The following C2CD3 variants were observed in gnomAD, a reference collection of about 807,000 sequenced individuals.
C2CD3 encodes C2 domain-containing protein 3.
Under a neutral mutation model 234.0 loss-of-function variants are expected in C2CD3, and 148 were observed. The observed-to-expected ratio is 0.63, with a 90% CI of 0.55 to 0.72. C2CD3 has a LOEUF of 0.72. Among genes scored for constraint, C2CD3 ranks in the 30% least tolerant of loss-of-function variants. The pLI is 0.00. For missense variants in C2CD3, 2,577 were observed against 2,811.5 expected (o/e 0.92, Z 1.89); for synonymous variants, 1,000 against 1,035.4 (o/e 0.97, Z 0.66).
At chr11:74,022,620 CTCA>C (rs1466032835) in intron 32 of C2CD3, among the ~76,000 whole-genome samples, 1 of 151,886 alleles carries the variant, frequency 6.6e-6, no homozygotes, top group Non-Finnish European at 1.5e-5. Context: ...TACTGCCGTT[CTCA>C]TCGTCAACCT....
intron 14 of C2CD3, among the ~76,000 whole-genome samples, chr11:74,101,231 T>C (rs1956304606): frequency 1.3e-5 from 2 of 152,180 alleles, no homozygotes; most frequent in African/African-American, 4.8e-5. Flanking sequence ...GGCCAGTTGA[T>C]AGTTGAAAAA....
chr11:74,116,113 GATAA>G (rs1258045872), intron 9 of C2CD3, among the ~76,000 whole-genome samples: 1 of 151,972 alleles, frequency 6.6e-6, no homozygotes, highest in Admixed American at 6.6e-5. Flanking sequence ...CAAAAACAAA[GATAA>G]ATAGATGGGA....
At position 74,111,965 on chromosome 11, in the gene C2CD3, CACACAT is replaced by C. The variant is rs1452428467; in HGVS notation, c.1843+1809_1843+1814del. Among the ~76,000 whole-genome samples, 638 of 86,148 alleles carry C rather than the reference CACACAT, an allele frequency of 7.4e-3. 2 individuals are homozygous for C. Among genetic ancestry groups the C allele is most frequent in the East Asian group, 0.034 (83 of 2,456 alleles). 56.5% of individuals were successfully genotyped at this position (86,148 alleles called of 152,430 possible). On this transcript the variant is annotated intron_variant, in intron 11 of 32. Transcript: ENST00000334126. The stretch of plus-strand genomic sequence containing the variant: ...ACACACACACACACACACACACACA[CACACAT>C]ATATATATACACACACACATTATCT...
intron 32 of C2CD3, among the ~76,000 whole-genome samples, chr11:74,019,698 A>G (rs879259005): frequency 2.9e-5 from 4 of 138,212 alleles, no homozygotes; most frequent in Admixed American, 2.7e-4. Flanking sequence ...TTTTTTTCAG[A>G]CACAGTTTCA....
chr11:74,022,453 G>A (rs774151094), intron 32 of C2CD3, among the ~76,000 whole-genome samples: 15 of 152,166 alleles, frequency 9.9e-5, no homozygotes, highest in East Asian at 1.9e-4. Context: ...GGGTCCGTAC[G>A]TGTCTGCGGC....
intron 22 of C2CD3, among the ~76,000 whole-genome samples, chr11:74,083,544 C>T (rs1447906329): frequency 6.6e-6 from 1 of 152,152 alleles, no homozygotes; most frequent in African/African-American, 2.4e-5. Flanking sequence ...ATCTACCCAT[C>T]TGACAAAGGG....
At chr11:74,015,194 C>T (rs1439756165) in intron 32 of C2CD3, among the ~76,000 whole-genome samples, 1 of 152,196 alleles carries the variant, frequency 6.6e-6, no homozygotes, top group Non-Finnish European at 1.5e-5. Context: ...CTTGGGATCC[C>T]AGCGAGGCCA....
intron 15 of C2CD3, 127 bp downstream of exon 15, chr11:74,100,398 T>C: frequency 1.2e-6 from 1 of 845,970 alleles, no homozygotes; most frequent in South Asian, 1.8e-5. Flanking sequence ...AGCAACTCTG[T>C]TGAAACTGGA....
chr11:74,154,786 A>C (rs1358393366), intron 3 of C2CD3, among the ~76,000 whole-genome samples: 2 of 152,228 alleles, frequency 1.3e-5, no homozygotes, highest in African/African-American at 2.4e-5. Flanking sequence ...TGGGGGTTGC[A>C]GTCTGTGAAC....
intron 3 of C2CD3, among the ~76,000 whole-genome samples, chr11:74,156,242 C>A (rs1309495689): frequency 6.6e-6 from 1 of 151,652 alleles, no homozygotes; most frequent in Non-Finnish European, 1.5e-5. Flanking sequence ...CCACTGCACT[C>A]CAGCCTGGTG....
intron 32 of C2CD3, among the ~76,000 whole-genome samples, chr11:74,025,878 A>G (rs1565204950): frequency 6.6e-6 from 1 of 152,202 alleles, no homozygotes; most frequent in East Asian, 1.9e-4. Context: ...TAGCAGATTC[A>G]GTATTTCACT....
chr11:74,134,104 C>T (rs1479013004), intron 5 of C2CD3, among the ~76,000 whole-genome samples: 3 of 152,192 alleles, frequency 2.0e-5, no homozygotes, highest in Non-Finnish European at 4.4e-5. Flanking sequence ...ATGTTTACCA[C>T]ATGCGAGGCA....
intron 25 of C2CD3, among the ~76,000 whole-genome samples, chr11:74,056,693 G>C (rs757229811): frequency 2.8e-4 from 42 of 152,096 alleles, no homozygotes; most frequent in Non-Finnish European, 5.6e-4. Context: ...TCTTTTCCAA[G>C]GATGAAAATC....
chr11:74,048,388 G>A (rs368394812), intron 27 of C2CD3, 50 bp from the exon 28 acceptor site: 19 of 1,586,800 alleles, frequency 1.2e-5, no homozygotes, highest in Middle Eastern at 1.7e-4. Context: ...AAACCCATTC[G>A]TAACAAAGCA....
intron 32 of C2CD3, chr11:74,016,777 T>C (rs1438509221): frequency 6.6e-6 from 1 of 152,198 alleles, no homozygotes; most frequent in Non-Finnish European, 1.5e-5. Flanking sequence ...TCCTCTGAAA[T>C]ACTCCTACAC....
chr11:74,153,203 G>T (rs1416133621), intron 3 of C2CD3, among the ~76,000 whole-genome samples: 1 of 137,806 alleles, frequency 7.3e-6, no homozygotes, highest in Admixed American at 7.5e-5. Flanking sequence ...GTGAGACTCT[G>T]TCTCTTAAAA....
intron 12 of C2CD3, among the ~76,000 whole-genome samples, chr11:74,108,614 C>T (rs1344293536): frequency 2.6e-5 from 4 of 152,100 alleles, no homozygotes; most frequent in Admixed American, 2.0e-4. Context: ...AATATAGCTA[C>T]CTTTCTTTAG....
At chr11:74,051,874 T>C (rs976602076) in intron 26 of C2CD3, among the ~76,000 whole-genome samples, 2 of 152,184 alleles carry the variant, frequency 1.3e-5, no homozygotes, top group African/African-American at 4.8e-5. Flanking sequence ...TGGCACAGAA[T>C]AGAAACTTAA....
Position 74,098,307 on chromosome 11 carries a change from T to C in C2CD3, c.2733-52A>G, listed in dbSNP as rs200283297. On this transcript the variant is annotated intron_variant, in intron 15 of 32. Transcript: ENST00000334126. ...CAAATAACAAGCATCAATCATGTCATAGAGTTATTTCTTTCTTGACTCATT... is the reference window on the plus strand; with the variant it reads ...CAAATAACAAGCATCAATCATGTCACAGAGTTATTTCTTTCTTGACTCATT... 6.0e-4 allele frequency: 937 copies of C among 1,555,980 alleles called. 9 individuals are homozygous for C. The South Asian group carries it at 9.8e-3, about 16-fold the overall frequency.
Sources: allele counts gnomAD v4.1 joint callset (sites outside exome capture counted in the v4.1 genomes callset), GRCh38; gene constraint gnomAD v4.1.1; transcripts MANE v1.5; gene names NCBI Gene and HGNC (gene_info 2026-07-23, HGNC 2026-07-21).